Variants in DHODH observed in about 807,000 individuals in gnomAD.
The protein encoded by DHODH is dihydroorotate dehydrogenase (quinone), also known as dihydroorotate dehydrogenase (quinone), mitochondrial.
In DHODH, 30 loss-of-function variants were observed where a neutral mutation model predicts 39.7. The ratio of observed to expected loss-of-function variants is 0.76; its 90% CI spans 0.57 to 1.02. The LOEUF is 1.02. Ranked by LOEUF, DHODH falls within the 50% of genes least tolerant of loss-of-function variation. The pLI is 0.00. For missense variants in DHODH, 531 were observed against 520.8 expected (o/e 1.02, Z -0.19); for synonymous variants, 222 against 213.8 (o/e 1.04, Z -0.34).
In DHODH at chr16:72,011,068, G is replaced by A. The variant is rs553648764; in HGVS notation, c.22-982G>A. On this transcript the variant is annotated intron_variant, in intron 1 of 8. Coordinates refer to ENST00000219240, the MANE Select transcript of DHODH (RefSeq NM_001361.5). ...GCCAGCATAATTAATACCCTAACTG[G>A]AATATAAAGGAGAAAATGTAAAAGT... Among the ~76,000 whole-genome samples, 3 of 152,116 alleles carry A rather than the reference G, an allele frequency of 2.0e-5. No homozygotes were observed. The South Asian group carries it at 6.2e-4, about 32-fold the overall frequency.
Position 72,023,470 on chromosome 16 carries a change from G to A in DHODH, c.974-4G>A, listed in dbSNP as rs185105233. On this transcript the variant is annotated splice_polypyrimidine_tract_variant and splice_region_variant and intron_variant, in intron 7 of 8. Coordinates refer to ENST00000219240, the MANE Select transcript of DHODH (RefSeq NM_001361.5). ...TTATGGTGTCGCCATGTGCTTCTCT[G>A]TAGGCCGAGTTCCCATAATTGGGGT... 1.2e-6 allele frequency: 2 copies of A among 1,614,182 alleles called. No individual in the cohort carries two copies. The highest frequency in any genetic ancestry group is 2.2e-5 in the East Asian group (1 of 44,878).
At chr16:72,020,045 A>T (rs2041186322) in intron 4 of DHODH, among the ~76,000 whole-genome samples, 1 of 151,966 alleles carries the variant, frequency 6.6e-6, no homozygotes. Context: ...TGGGAGGCTG[A>T]GGTGGGCAGA....
intron 1 of DHODH, among the ~76,000 whole-genome samples, chr16:72,010,742 A>C (rs903484954): frequency 2.4e-4 from 36 of 152,118 alleles, no homozygotes; most frequent in Non-Finnish European, 5.0e-4. Context: ...TTGTATGTAT[A>C]CATTTTTGAG....
intron 3 of DHODH, 56 bp from the exon 4 acceptor site, chr16:72,016,968 G>A (rs2041148153): frequency 6.7e-7 from 1 of 1,503,372 alleles, no homozygotes; most frequent in South Asian, 1.1e-5. Context: ...TAAGTGTATG[G>A]GAAGTGGCTA....
chr16:72,017,842 G>A (rs942060718), intron 4 of DHODH, among the ~76,000 whole-genome samples: 2 of 150,256 alleles, frequency 1.3e-5, no homozygotes, highest in Non-Finnish European at 3.0e-5. Flanking sequence ...CGGGATCTCG[G>A]CTCACTGCAA....
chr16:72,022,223 C>A, intron 5 of DHODH, 139 bp from the exon 6 acceptor site: 1 of 686,938 alleles, frequency 1.5e-6, no homozygotes, highest in South Asian at 1.6e-5. Flanking sequence ...CGTCTGAGGG[C>A]TGGCTTTCCT....
At chr16:72,015,194 T>G (rs920367521) in intron 3 of DHODH, among the ~76,000 whole-genome samples, 2 of 152,238 alleles carry the variant, frequency 1.3e-5, no homozygotes, top group African/African-American at 2.4e-5. Context: ...TAAAAAGTAT[T>G]AATTCGCTGT....
rs1023765942 is a variant in DHODH, at chr16:72,024,834, T to C, written c.*635T>C. 2 of 153,000 alleles carry C rather than the reference T, an allele frequency of 1.3e-5. No homozygotes were observed. The highest frequency in any genetic ancestry group is 4.8e-5 in the African/African-American group (2 of 41,428). 9.5% of individuals were successfully genotyped at this position (153,000 alleles called of 1,614,324 possible). A position where few individuals can be genotyped will look rare whatever the true frequency, so the allele number is the denominator to read the frequency against. ...AATACAAAAAATTAGCCAGATATTG[T>C]GGCAGGCACTTTTAATCCCAGCTAC... On this transcript the variant is annotated 3_prime_UTR_variant, in exon 9 of 9. Transcript: ENST00000219240.
intron 1 of DHODH, among the ~76,000 whole-genome samples, chr16:72,011,716 TCTGACTTTATGGATTC>T (rs1212717038): frequency 6.6e-6 from 1 of 152,180 alleles, no homozygotes; most frequent in Non-Finnish European, 1.5e-5. Context: ...AAGAAGGATG[TCTGACTTTATGGATTC>T]CTGCCCACCA....
chr16:72,011,945 T>C (rs1037807845), intron 1 of DHODH, 105 bp from the exon 2 acceptor site: 1 of 879,102 alleles, frequency 1.1e-6, no homozygotes, highest in Non-Finnish European at 1.9e-6. Context: ...GGCGTCTGTT[T>C]CATGTGACCT....
chr16:72,014,859 T>C (rs2041124147), intron 3 of DHODH, among the ~76,000 whole-genome samples, 187 bp downstream of exon 3: 2 of 152,232 alleles, frequency 1.3e-5, no homozygotes. Flanking sequence ...AAGCATGCTT[T>C]GTTACGTCCA....
At chr16:72,019,358 G>A (rs1224595982) in intron 4 of DHODH, among the ~76,000 whole-genome samples, 1 of 152,144 alleles carries the variant, frequency 6.6e-6, no homozygotes, top group African/African-American at 2.4e-5. Context: ...TTGGGAAGGT[G>A]GTGAGCAGTA....
chr16:72,013,155 T>C (rs1284639810), intron 2 of DHODH, among the ~76,000 whole-genome samples: 4 of 147,258 alleles, frequency 2.7e-5, no homozygotes, highest in Non-Finnish European at 3.0e-5. Flanking sequence ...CTTCCTACCT[T>C]AGACTCCTCT....
intron 4 of DHODH, among the ~76,000 whole-genome samples, chr16:72,018,541 C>T (rs1293490377): frequency 1.3e-5 from 2 of 152,146 alleles, no homozygotes; most frequent in Non-Finnish European, 2.9e-5. Flanking sequence ...TTCTTCTCCT[C>T]GGTGTCTGCA....
At chr16:72,018,221 G>T (rs765248164) in intron 4 of DHODH, among the ~76,000 whole-genome samples, 13 of 152,328 alleles carry the variant, frequency 8.5e-5, no homozygotes, top group Non-Finnish European at 1.6e-4. Context: ...GTGTGGGGTT[G>T]TGGCTCAGTA....
chr16:72,023,080 C>A, intron 6 of DHODH, 85 bp from the exon 7 acceptor site: 1 of 1,452,910 alleles, frequency 6.9e-7, no homozygotes. Flanking sequence ...GTACCTGGCC[C>A]GGCTGCTGCC....
At chr16:72,023,432 G>A (rs2041244297) in intron 7 of DHODH, 42 bp from the exon 8 acceptor site, 1 of 1,614,140 alleles carries the variant, frequency 6.2e-7, no homozygotes, top group East Asian at 2.2e-5. Flanking sequence ...TGGGGCTGAA[G>A]CCACATCCTT....
At position 72,016,779 on chromosome 16, in the gene DHODH, AGCTGCT is replaced by A. The variant is rs1223222208; in HGVS notation, c.435-240_435-235del. On this transcript the variant is annotated intron_variant, in intron 3 of 8. Coordinates refer to ENST00000219240, the MANE Select transcript of DHODH (RefSeq NM_001361.5). ...AGTGGGGATCCAGCAGGTCTGGGGCAGCTGCTGCTGAGTCTGGGCTGTTTCCAGTGC... is the reference window on the plus strand; with the variant it reads ...AGTGGGGATCCAGCAGGTCTGGGGCAGCTGAGTCTGGGCTGTTTCCAGTGC... 21 of 468,952 alleles carry A rather than the reference AGCTGCT, an allele frequency of 4.5e-5. No homozygotes were observed. The East Asian group carries it at 8.9e-4, about 20-fold the overall frequency. 29.0% of individuals were successfully genotyped at this position (468,952 alleles called of 1,614,324 possible).
intron 1 of DHODH, chr16:72,009,239 C>A (rs2041055097): frequency 1.5e-6 from 1 of 658,294 alleles, no homozygotes; most frequent in African/African-American, 2.0e-5. Context: ...CGCGGTGGCT[C>A]ACGCCTGTAA....
Sources: allele counts gnomAD v4.1 joint callset (sites outside exome capture counted in the v4.1 genomes callset), GRCh38; gene constraint gnomAD v4.1.1; transcripts MANE v1.5; gene names NCBI Gene and HGNC (gene_info 2026-07-23, HGNC 2026-07-21).